The following ERBB2 variants were observed in gnomAD, a reference collection of about 807,000 sequenced individuals.
ERBB2 encodes the protein erb-b2 receptor tyrosine kinase 2, also known as receptor tyrosine-protein kinase erbB-2.
ERBB2 carries 61 observed loss-of-function variants against 149.0 expected under a neutral mutation model. That is an observed-to-expected ratio of 0.41 (90% confidence interval 0.33 to 0.51). The LOEUF is 0.51. Ranked by LOEUF, ERBB2 falls within the 20% of genes least tolerant of loss-of-function variation. The pLI, the probability that ERBB2 is intolerant of heterozygous loss-of-function variation, is 0.25. For missense variants in ERBB2, 1,205 were observed against 1,655.1 expected (o/e 0.73, Z 4.72); for synonymous variants, 633 against 678.8 (o/e 0.93, Z 1.05).
At position 39,725,949 on chromosome 17, in the gene ERBB2, A is replaced by T; in HGVS notation, c.2872+96A>T. 7.6e-7 allele frequency: 1 copy of T among 1,321,892 alleles called. No homozygotes were observed. Among genetic ancestry groups the T allele is most frequent in the Non-Finnish European group, 1.1e-6 (1 of 941,472 alleles). 81.9% of individuals were successfully genotyped at this position (1,321,892 alleles called of 1,614,324 possible). A position where few individuals can be genotyped will look rare whatever the true frequency, so the allele number is the denominator to read the frequency against. On this transcript the variant is annotated intron_variant, in intron 23 of 26. Transcript: ENST00000269571. The surrounding 1 kb of genome is among the most constrained non-coding windows in gnomAD (Gnocchi z 4.6). ...CATGAAAGGGGACCAGGATGTATGT[A>T]GACCCAGGAGCCCTAGTATGTTAGG...
At chr17:39,713,625 C>T (rs146251853) in intron 9 of ERBB2, among the ~76,000 whole-genome samples, 2,800 of 151,776 alleles carry the variant, frequency 0.018, 85 homozygotes, top group Non-Finnish European at 0.02. Context: ...TCCTGGCATG[C>T]GCCTATCATC....
chr17:39,709,920 G>A (rs1381248137), intron 5 of ERBB2, 39 bp downstream of exon 5: 2 of 1,598,218 alleles, frequency 1.3e-6, no homozygotes, highest in African/African-American at 1.3e-5. Context: ...GAAGGGGAGG[G>A]CTGGGGCCGG....
rs2059722284 is a variant in ERBB2, at chr17:39,725,792, G to A, written c.2811G>A (p.Lys937=). 6.2e-7 allele frequency: 1 copy of A among 1,613,562 alleles called. No homozygotes were observed. Among genetic ancestry groups the A allele is most frequent in the Non-Finnish European group, 8.5e-7 (1 of 1,179,820 alleles). Residue 937 remains lysine, a synonymous_variant, in exon 23 of 27, where the codon AAG becomes AAA. Coordinates refer to ENST00000269571, the MANE Select transcript of ERBB2 (RefSeq NM_004448.4). The surrounding 1 kb of genome is among the most constrained non-coding windows in gnomAD (Gnocchi z 4.6). ...GGGAGATCCCTGACCTGCTGGAAAA[G>A]GGGGAGCGGCTGCCCCAGCCCCCCA... ...PAREIPDLLE[K]GERLPQPPIC...
chr17:39,706,708 G>C lies in ERBB2; in HGVS notation c.74-282G>C, dbSNP rs2058460512. The C allele has an allele frequency of 1.3e-5, 4 of 317,322 alleles. No homozygotes were observed. In the East Asian group the frequency reaches 1.9e-4, roughly 15 times the overall value. 19.7% of individuals were successfully genotyped at this position (317,322 alleles called of 1,614,324 possible). A position where few individuals can be genotyped will look rare whatever the true frequency, so the allele number is the denominator to read the frequency against. On this transcript the variant is annotated intron_variant, in intron 1 of 26. Coordinates refer to ENST00000269571, the MANE Select transcript of ERBB2 (RefSeq NM_004448.4). ...CTTTGCCAGCCAACACCCTGTACTG[G>C]CGGGCGAGCTCCCCAGGGCTGGCAC...
upstream of ERBB2, among the ~76,000 whole-genome samples, chr17:39,691,203 T>C (rs2057687536): frequency 6.6e-6 from 1 of 152,052 alleles, no homozygotes; most frequent in African/African-American, 2.4e-5. Context: ...CAAGGCACTG[T>C]ACTTTTCATG....
chr17:39,707,931 G>A (rs904915778), intron 2 of ERBB2: 9 of 161,628 alleles, frequency 5.6e-5, no homozygotes, highest in Non-Finnish European at 1.1e-4. Context: ...CCTGGGAGAC[G>A]GAGGTTGTGG....
In ERBB2 at chr17:39,712,351, C is replaced by T. The variant is rs770327076; in HGVS notation, c.1051C>T (p.Arg351Ter). 1 of 1,610,372 alleles carries T rather than the reference C, an allele frequency of 6.2e-7. No homozygotes were observed. Among genetic ancestry groups the T allele is most frequent in the Non-Finnish European group, 8.5e-7 (1 of 1,178,570 alleles). The change falls in exon 9 of 27, where the codon CGA (arginine) becomes TGA (stop). Residue 351 changes from arginine to a stop codon, truncating the protein, a stop_gained. Transcript: ENST00000269571. LOFTEE classifies it high-confidence loss of function. Reference sequence around the variant, plus strand: ...CTATGGTCTGGGCATGGAGCACTTGCGAGAGGTGAGGGCAGTTACCAGTGC... The same window carrying T: ...CTATGGTCTGGGCATGGAGCACTTGTGAGAGGTGAGGGCAGTTACCAGTGC... ...VCYGLGMEHL[R>*]EVRAVTSANI...
intron 3 of ERBB2, among the ~76,000 whole-genome samples, chr17:39,709,062 G>A (rs1453891883): frequency 6.6e-6 from 1 of 152,136 alleles, no homozygotes; most frequent in African/African-American, 2.4e-5. Context: ...AGGTGAGAAG[G>A]AAGGAGAGAG....
intron 2 of ERBB2, chr17:39,688,867 C>T (rs2057626874): frequency 1.3e-5 from 2 of 152,328 alleles, no homozygotes; most frequent in Non-Finnish European, 2.9e-5. Context: ...AACATAAGAA[C>T]TTGACAAATC....
chr17:39,704,450 G>A (rs759760726), intron 1 of ERBB2, among the ~76,000 whole-genome samples: 3 of 152,154 alleles, frequency 2.0e-5, no homozygotes, highest in Non-Finnish European at 2.9e-5. Context: ...TCAGGCACCC[G>A]TAATCCCAGC....
At position 39,727,172 on chromosome 17, in the gene ERBB2, C is replaced by T. The variant is rs1056879208; in HGVS notation, c.3160-123C>T. On this transcript the variant is annotated intron_variant, in intron 25 of 26. Transcript: ENST00000269571. This position sits in a 1 kb window ranked among gnomAD's most constrained non-coding sequence, Gnocchi z 4.3. ...AACCCCTGTGACCCCATTCTCTCCACGGTGACTGTGTCATACCCCAAAGGT... is the reference window on the plus strand; with the variant it reads ...AACCCCTGTGACCCCATTCTCTCCATGGTGACTGTGTCATACCCCAAAGGT... The T allele has an allele frequency of 2.4e-5, 31 of 1,317,958 alleles. No individual in the cohort carries two copies. The highest frequency in any genetic ancestry group is 9.1e-5 in the South Asian group (7 of 77,192). The allele number at this position is 1,317,958 out of a possible 1,614,324, so 81.6% of individuals were successfully genotyped here.
upstream of ERBB2, among the ~76,000 whole-genome samples, chr17:39,690,639 G>A (rs568215711): frequency 6.6e-6 from 1 of 152,284 alleles, no homozygotes; most frequent in East Asian, 1.9e-4. Context: ...ATCTCTAGAT[G>A]GCGATTACCT....
In ERBB2 at chr17:39,725,627, A is replaced by G; in HGVS notation, c.2726-80A>G. ...TCCCCCTGCTACCTGCCATGATGCTAGACTCCTGAGCAGAACCTCTGGCTC... is the reference window on the plus strand; with the variant it reads ...TCCCCCTGCTACCTGCCATGATGCTGGACTCCTGAGCAGAACCTCTGGCTC... On this transcript the variant is annotated intron_variant, in intron 22 of 26. Coordinates refer to ENST00000269571, the MANE Select transcript of ERBB2 (RefSeq NM_004448.4). This position sits in a 1 kb window ranked among gnomAD's most constrained non-coding sequence, Gnocchi z 4.6. 6.8e-7 allele frequency: 1 copy of G among 1,469,624 alleles called. No homozygotes were observed. Among genetic ancestry groups the G allele is most frequent in the Non-Finnish European group, 9.3e-7 (1 of 1,079,314 alleles). The allele number at this position is 1,469,624 out of a possible 1,614,324, so 91.0% of individuals were successfully genotyped here.
rs1406643427 is a variant in ERBB2, at chr17:39,715,494, TCTTCC to T, written c.1272_1276del (p.Phe425GlufsTer45). On this transcript the variant is annotated frameshift_variant, in exon 11 of 27. Transcript: ENST00000269571. LOFTEE classifies it high-confidence loss of function. Reference sequence around the variant, plus strand: ...CCGGACAGCCTGCCTGACCTCAGCGTCTTCCAGAACCTGCAAGTAATCCGGGGACG... The same window carrying T: ...CCGGACAGCCTGCCTGACCTCAGCGTAGAACCTGCAAGTAATCCGGGGACG... The T allele has an allele frequency of 3.1e-6, 5 of 1,614,076 alleles. No individual in the cohort carries two copies. The highest frequency in any genetic ancestry group is 1.7e-6 in the Non-Finnish European group (2 of 1,180,034).
At chr17:39,688,154 G>C in exon 1 of ERBB2, 1 of 805,654 alleles carries the variant, frequency 1.2e-6, no homozygotes. Flanking sequence ...CCGGATTTTT[G>C]TGGGCGCCTG....
chr17:39,695,445 G>A (rs2057836403), upstream of ERBB2, among the ~76,000 whole-genome samples: 2 of 152,064 alleles, frequency 1.3e-5, no homozygotes, highest in Admixed American at 6.6e-5. Flanking sequence ...CCTATCAGAA[G>A]CTTCTAAGTT....
Position 39,728,457 on chromosome 17 carries a change from C to G in ERBB2, c.*413C>G, listed in dbSNP as rs4252660. The G allele has an allele frequency of 6.0e-4, 152 of 252,482 alleles. No homozygotes were observed. Among genetic ancestry groups the G allele is most frequent in the Admixed American group, 4.6e-3 (85 of 18,660 alleles). 15.6% of individuals were successfully genotyped at this position (252,482 alleles called of 1,614,324 possible). A position where few individuals can be genotyped will look rare whatever the true frequency, so the allele number is the denominator to read the frequency against. ...CTGTCCCTGAAACCTAGTACTGCCC[C>G]CCATGAGGAAGGAACAGCAATGGTG... On this transcript the variant is annotated 3_prime_UTR_variant, in exon 27 of 27. Coordinates refer to ENST00000269571, the MANE Select transcript of ERBB2 (RefSeq NM_004448.4).
At chr17:39,712,947 CTG>C (rs2058895857) in intron 9 of ERBB2, among the ~76,000 whole-genome samples, 1 of 152,274 alleles carries the variant, frequency 6.6e-6, no homozygotes, top group African/African-American at 2.4e-5. Context: ...AAAAACCACT[CTG>C]TGGTGGGAGA....
intron 12 of ERBB2, 23 bp downstream of exon 12, chr17:39,715,962 C>T (rs768466581): frequency 1.6e-5 from 25 of 1,599,044 alleles, no homozygotes; most frequent in South Asian, 4.4e-5. Context: ...GCCCAGTGTG[C>T]GCACTCCCCA....
Sources: gnomAD v4.1 joint callset for allele counts (sites outside exome capture counted in the v4.1 genomes callset) on GRCh38, gnomAD v4.1.1 for gene constraint, Gnocchi (gnomAD v3.1) non-coding constraint, MANE v1.5 for transcripts, NCBI Gene and HGNC (gene_info 2026-07-23, HGNC 2026-07-21) for gene names.